The following CHD7 variants were observed in gnomAD, a reference collection of about 807,000 sequenced individuals.
CHD7 encodes chromodomain helicase DNA binding protein 7, also known as ATP-dependent chromatin remodeler CHD7.
CHD7 carries 24 observed loss-of-function variants against 307.3 expected under a neutral mutation model. The observed-to-expected ratio is 0.08, with a 90% confidence interval of 0.06 to 0.11. The LOEUF is 0.11. Ranked by LOEUF, CHD7 falls within the 10% of genes least tolerant of loss-of-function variation. CHD7 has a pLI of 1.00. For synonymous variants in CHD7, 1,363 were observed against 1,349.9 expected (o/e 1.01, Z -0.21); for missense variants, 3,106 against 3,727.1 (o/e 0.83, Z 4.34).
At position 60,696,374 on chromosome 8, in the gene CHD7, G is replaced by A. The variant is rs181791716; in HGVS notation, c.-175+17292G>A. Among the ~76,000 whole-genome samples the A allele has an allele frequency of 5.3e-5, 8 of 152,254 alleles. No homozygotes were observed. In the East Asian group the frequency reaches 1.2e-3, roughly 22 times the overall value. ...AGATGTGGTTTGAATCTGCCTGACC[G>A]CTTAACTGTGTGACCTTGGATAGTG... On this transcript the variant is annotated intron_variant, in intron 1 of 37. Transcript: ENST00000423902.
intron 29 of CHD7, 26 bp downstream of exon 29, chr8:60,852,273 A>C (rs763809569): frequency 2.5e-6 from 4 of 1,593,206 alleles, no homozygotes; most frequent in South Asian, 1.1e-5. Flanking sequence ...GTTTCCACTC[A>C]GCTCCCGGTA....
Position 60,865,040 on chromosome 8 carries a change from G to T in CHD7, c.8101G>T (p.Asp2701Tyr). ...GGGTTTTGTTCCTGAGTCGATGTTT[G>T]ACCGCCTTCTCACTGGGCCTGTAGT... ...QSGFVPESMF[D>Y]RLLTGPVVRG... Residue 2701 changes from aspartate (D) to tyrosine (Y), a missense_variant, in exon 38 of 38, where the codon GAC (aspartate) becomes TAC (tyrosine). Asp to Tyr is a radical substitution (Grantham distance 160, BLOSUM62 -3). Transcript: ENST00000423902. The surrounding 1 kb of genome is among the most constrained non-coding windows in gnomAD (Gnocchi z 4.3). 1 of 1,604,798 alleles carries T rather than the reference G, an allele frequency of 6.2e-7. No homozygotes were observed. The highest frequency in any genetic ancestry group is 1.1e-5 in the South Asian group (1 of 89,342).
chr8:60,746,267 A>C (rs1442096681), intron 2 of CHD7, among the ~76,000 whole-genome samples: 1 of 152,230 alleles, frequency 6.6e-6, no homozygotes, highest in Non-Finnish European at 1.5e-5. Context: ...TAGGTTAAAT[A>C]TTATGTAATA....
chr8:60,731,772 A>G (rs1808468150), intron 1 of CHD7, among the ~76,000 whole-genome samples: 2 of 152,144 alleles, frequency 1.3e-5, no homozygotes, highest in Admixed American at 6.5e-5. Context: ...CAGTTTTCCA[A>G]AATACTTTTT....
At chr8:60,680,385 G>C (rs1408799391) in intron 1 of CHD7, among the ~76,000 whole-genome samples, 3 of 132,168 alleles carry the variant, frequency 2.3e-5, no homozygotes, top group Non-Finnish European at 4.9e-5. Context: ...GCGGCGCGGG[G>C]CTGTCGAGGT....
chr8:60,833,240 A>G (rs756903497), intron 15 of CHD7, among the ~76,000 whole-genome samples: 2 of 152,244 alleles, frequency 1.3e-5, no homozygotes, highest in Non-Finnish European at 2.9e-5. Flanking sequence ...ATTATGAAAA[A>G]TAGAAGCAAT....
intron 1 of CHD7, among the ~76,000 whole-genome samples, chr8:60,737,895 A>C (rs139836992): frequency 2.0e-5 from 3 of 152,296 alleles, no homozygotes; most frequent in African/African-American, 7.2e-5. Context: ...GACAAGAGGG[A>C]ATTTTGTTTT....
intron 19 of CHD7, among the ~76,000 whole-genome samples, chr8:60,838,971 A>G (rs1304677615): frequency 2.0e-5 from 3 of 152,264 alleles, no homozygotes; most frequent in Non-Finnish European, 1.5e-5. Flanking sequence ...TTCGTGTACA[A>G]TTCAATGCCT....
chr8:60,728,158 C>T (rs1808264407), intron 1 of CHD7, among the ~76,000 whole-genome samples: 1 of 152,222 alleles, frequency 6.6e-6, no homozygotes, highest in African/African-American at 2.4e-5. Flanking sequence ...TTATTTGACT[C>T]TGTTGATGGG....
intron 17 of CHD7, 83 bp from the exon 18 acceptor site, chr8:60,837,585 T>G: frequency 3.3e-6 from 4 of 1,218,186 alleles, no homozygotes; most frequent in Non-Finnish European, 4.5e-6. Flanking sequence ...CACATTGGAA[T>G]GAGGGTTTCA....
chr8:60,856,504 A>G lies in CHD7; in HGVS notation c.7224A>G (p.Glu2408=), dbSNP rs749492213. ...GGAGGAGGAGGAGGAGAAAAATCGA[A>G]ATTGAGGCCGAAAGAGCTGCCAAGA... ...RQRRRRRRKI[E]IEAERAAKRR... is the part of the protein sequence containing the mutation. Residue 2408 remains glutamate (E), a synonymous_variant, in exon 34 of 38, where the codon GAA becomes GAG. Transcript: ENST00000423902. 3.5e-5 allele frequency: 56 copies of G among 1,613,756 alleles called. No individual in the cohort carries two copies. The highest frequency in any genetic ancestry group is 4.7e-5 in the Non-Finnish European group (56 of 1,179,846).
At chr8:60,773,430 G>A (rs2150650915) in intron 2 of CHD7, among the ~76,000 whole-genome samples, 1 of 152,282 alleles carries the variant, frequency 6.6e-6, no homozygotes, top group East Asian at 1.9e-4. Flanking sequence ...ATTTTTGCAA[G>A]CATTTATGAA....
intron 15 of CHD7, among the ~76,000 whole-genome samples, chr8:60,831,320 T>A (rs893577617): frequency 6.6e-6 from 1 of 152,064 alleles, no homozygotes; most frequent in African/African-American, 2.4e-5. Flanking sequence ...TTTAGGCAAG[T>A]CTGCAGGGGT....
chr8:60,764,179 C>CG (rs1396312988), intron 2 of CHD7, among the ~76,000 whole-genome samples: 2 of 151,864 alleles, frequency 1.3e-5, no homozygotes, highest in Admixed American at 1.3e-4. Context: ...TTAGTAGAGA[C>CG]GGGGTTTCAC....
At chr8:60,708,198 G>A (rs1007023892) in intron 1 of CHD7, among the ~76,000 whole-genome samples, 1 of 152,156 alleles carries the variant, frequency 6.6e-6, no homozygotes, top group African/African-American at 2.4e-5. Context: ...TTTTACACTG[G>A]GAATGGTGAC....
chr8:60,849,084 T>A lies in CHD7; in HGVS notation c.5334T>A (p.His1778Gln). ...EADVWIPEPF[H>Q]AEVPADWWDK... ...ATGTGTGGATCCCTGAACCTTTCCATGCTGAAGTTCCTGCAGATTGGTGGG... is the reference window on the plus strand; with the variant it reads ...ATGTGTGGATCCCTGAACCTTTCCAAGCTGAAGTTCCTGCAGATTGGTGGG... Residue 1778 changes from histidine to glutamine, a missense_variant, in exon 25 of 38, where the codon CAT (histidine) becomes CAA (glutamine). Physicochemically the swap from His to Gln is conservative, Grantham distance 24 (BLOSUM62 0). Around this residue, in one of 10 missense-constraint regions of CHD7, gnomAD observed 1,030 missense variants for 1,165.4 expected, o/e 0.88. Coordinates refer to ENST00000423902, the MANE Select transcript of CHD7 (RefSeq NM_017780.4). 1 of 1,613,610 alleles carries A rather than the reference T, an allele frequency of 6.2e-7. No homozygotes were observed. Among genetic ancestry groups the A allele is most frequent in the Non-Finnish European group, 8.5e-7 (1 of 1,179,664 alleles).
At chr8:60,780,905 G>T in intron 2 of CHD7, 95 bp from the exon 3 acceptor site, 1 of 1,170,386 alleles carries the variant, frequency 8.5e-7, no homozygotes. Flanking sequence ...CCTGAGTATA[G>T]AATAAGTTTC....
chr8:60,800,482 C>T lies in CHD7; in HGVS notation c.2333C>T (p.Ala778Val), dbSNP rs747595218. Residue 778 changes from alanine (A) to valine (V), a missense_variant, in exon 5 of 38, where the codon GCT (alanine) becomes GTT (valine). Transcript: ENST00000423902. ...SDEEADDADA[A>V]GRDSPSNTSQ... ...GAGGAGGCAGATGATGCAGATGCTG[C>T]TGGGAGGGATTCCCCCTCCAACACC... 3 of 1,613,822 alleles carry T rather than the reference C, an allele frequency of 1.9e-6. No homozygotes were observed. Among genetic ancestry groups the T allele is most frequent in the Non-Finnish European group, 2.5e-6 (3 of 1,179,774 alleles).
intron 1 of CHD7, among the ~76,000 whole-genome samples, chr8:60,703,340 ATGCCTT>A (rs1806862717): frequency 6.6e-6 from 1 of 152,252 alleles, no homozygotes; most frequent in African/African-American, 2.4e-5. Flanking sequence ...CTTCTGTAGA[ATGCCTT>A]TGACCAGTGA....
Sources: allele counts gnomAD v4.1 joint callset (sites outside exome capture counted in the v4.1 genomes callset), GRCh38; gene constraint gnomAD v4.1.1; regional missense constraint gnomAD v4.1.1; non-coding constraint Gnocchi (gnomAD v3.1); transcripts MANE v1.5; gene names NCBI Gene and HGNC (gene_info 2026-07-23, HGNC 2026-07-21).